The following KCNQ3 variants were observed in gnomAD, a reference collection of about 807,000 sequenced individuals.
The protein encoded by KCNQ3 is potassium voltage-gated channel subfamily KQT member 3.
A neutral mutation model predicts 92.5 loss-of-function variants in KCNQ3; 30 were observed. The ratio of observed to expected loss-of-function variants is 0.32; its 90% confidence interval spans 0.24 to 0.44. The LOEUF (loss-of-function observed/expected upper bound fraction) is 0.44, where lower values mean the gene tolerates loss of function less well. Ranked by LOEUF, KCNQ3 falls within the 20% of genes least tolerant of loss-of-function variation. KCNQ3 has a pLI of 1.00. For synonymous variants in KCNQ3, 450 were observed against 468.8 expected, an observed-to-expected ratio of 0.96 and a Z score of 0.52; for missense variants, 913 against 1,140.3, an observed-to-expected ratio of 0.80 and a Z score of 2.87.
chr8:132,301,820 GGA>G (rs1340308080), intron 1 of KCNQ3, among the ~76,000 whole-genome samples: 2 of 152,154 alleles, frequency 1.3e-5, no homozygotes, highest in Non-Finnish European at 2.9e-5. Context: ...TGATGCACTT[GGA>G]GAGAGGTGTC....
rs1826519341 is a variant in KCNQ3, at chr8:132,175,515, C to A, written c.871G>T (p.Ala291Ser). The A allele has an allele frequency of 6.2e-7, 1 of 1,614,084 alleles. No homozygotes were observed. Among genetic ancestry groups the A allele is most frequent in the Non-Finnish European group, 8.5e-7 (1 of 1,180,016 alleles). ...LVEKDVPEVDAQGEEMKEEFE... is the reference protein window; with the variant it reads ...LVEKDVPEVDSQGEEMKEEFE... Reference sequence around the variant, plus strand: ...TCCTCTTTCATCTCCTCTCCTTGTGCATCCACCTCTGGGACGTCTTTCTCA... The same window carrying A: ...TCCTCTTTCATCTCCTCTCCTTGTGAATCCACCTCTGGGACGTCTTTCTCA... The change falls in exon 5 of 15, where the codon GCA (alanine) becomes TCA (serine). Residue 291 changes from alanine to serine, a missense_variant. Around this residue, in one of 6 missense-constraint regions of KCNQ3, gnomAD observed 21 missense variants for 16.3 expected, o/e 1.29. Coordinates refer to ENST00000388996, the MANE Select transcript of KCNQ3 (RefSeq NM_004519.4).
intron 1 of KCNQ3, among the ~76,000 whole-genome samples, chr8:132,308,819 C>T (rs1817510770): frequency 6.6e-6 from 1 of 152,212 alleles, no homozygotes; most frequent in Non-Finnish European, 1.5e-5. Flanking sequence ...AAGTAAACTG[C>T]TTGAGCTCCC....
chr8:132,452,107 C>T lies in KCNQ3; in HGVS notation c.386+28040G>A, dbSNP rs142773321. Among the ~76,000 whole-genome samples the T allele has an allele frequency of 8.3e-3, 1,269 of 152,294 alleles. 7 individuals are homozygous for T. The highest frequency in any genetic ancestry group is 0.014 in the Middle Eastern group (4 of 294). The stretch of plus-strand genomic sequence containing the variant: ...AAATATACATAACATAAATTTTTAT[C>T]ATTTTAACCATTTTTAAGTATGCAA... On this transcript the variant is annotated intron_variant, in intron 1 of 14. Transcript: ENST00000388996.
At chr8:132,368,663 A>G (rs1364235338) in intron 1 of KCNQ3, among the ~76,000 whole-genome samples, 2 of 151,774 alleles carry the variant, frequency 1.3e-5, no homozygotes, top group African/African-American at 4.9e-5. Flanking sequence ...AAAAAAAAAG[A>G]AAAGAAAAGA....
intron 1 of KCNQ3, among the ~76,000 whole-genome samples, chr8:132,220,130 C>A (rs1487749703): frequency 6.6e-6 from 1 of 152,102 alleles, no homozygotes; most frequent in African/African-American, 2.4e-5. Context: ...GAGCAAAGTA[C>A]TCATGTCTGC....
intron 1 of KCNQ3, among the ~76,000 whole-genome samples, chr8:132,291,463 T>A (rs1309123503): frequency 6.6e-6 from 1 of 152,214 alleles, no homozygotes; most frequent in Non-Finnish European, 1.5e-5. Context: ...ATCTATATTA[T>A]CATAAAGGCA....
intron 1 of KCNQ3, among the ~76,000 whole-genome samples, chr8:132,410,923 G>A (rs1243124186): frequency 6.6e-6 from 1 of 152,196 alleles, no homozygotes; most frequent in African/African-American, 2.4e-5. Flanking sequence ...GCACATCTCT[G>A]ACCTCACCGT....
intron 1 of KCNQ3, among the ~76,000 whole-genome samples, chr8:132,273,319 G>T (rs535236582): frequency 1.3e-5 from 2 of 152,358 alleles, no homozygotes; most frequent in South Asian, 4.1e-4. Context: ...AAGCTGCCAA[G>T]GCATGGGGCT....
intron 1 of KCNQ3, among the ~76,000 whole-genome samples, chr8:132,437,379 G>T (rs1468625888): frequency 6.6e-6 from 1 of 152,192 alleles, no homozygotes; most frequent in Non-Finnish European, 1.5e-5. Context: ...CTCATGGCTG[G>T]TCTCTGTGCC....
chr8:132,433,254 C>A (rs1821299424), intron 1 of KCNQ3, among the ~76,000 whole-genome samples: 1 of 152,136 alleles, frequency 6.6e-6, no homozygotes, highest in Non-Finnish European at 1.5e-5. Context: ...ATTAGCCCCT[C>A]CCAGTTCCTA....
At chr8:132,336,973 C>T (rs1424680484) in intron 1 of KCNQ3, among the ~76,000 whole-genome samples, 1 of 152,156 alleles carries the variant, frequency 6.6e-6, no homozygotes, top group Non-Finnish European at 1.5e-5. Context: ...AGAGGAAAGC[C>T]AGGAGGAAGA....
intron 1 of KCNQ3, among the ~76,000 whole-genome samples, chr8:132,306,490 A>AGGGT (rs1285386180): frequency 6.6e-6 from 1 of 152,212 alleles, no homozygotes; most frequent in African/African-American, 2.4e-5. Context: ...ACTTTTAAGG[A>AGGGT]GGGTGGGGTG....
Position 132,212,527 on chromosome 8 carries a change from A to C in KCNQ3, c.387-26346T>G, listed in dbSNP as rs77561331. Among the ~76,000 whole-genome samples, 1,309 of 152,038 alleles carry C rather than the reference A, an allele frequency of 8.6e-3. 21 individuals are homozygous for C. Among genetic ancestry groups the C allele is most frequent in the African/African-American group, 0.03 (1,251 of 41,456 alleles). ...TTCAAGCATCTTTACCATCCCGATC[A>C]TTCTCTTCGGGACATGTCCCACTCT... is the stretch of plus-strand genomic sequence containing the variant. On this transcript the variant is annotated intron_variant, in intron 1 of 14. Coordinates refer to ENST00000388996, the MANE Select transcript of KCNQ3 (RefSeq NM_004519.4).
chr8:132,154,730 C>T (rs1825754054), intron 9 of KCNQ3, among the ~76,000 whole-genome samples: 1 of 152,134 alleles, frequency 6.6e-6, no homozygotes, highest in Non-Finnish European at 1.5e-5. Flanking sequence ...AGATGGAAAC[C>T]TGTTAACGGG....
intron 1 of KCNQ3, among the ~76,000 whole-genome samples, chr8:132,277,413 G>A (rs1367752908): frequency 6.6e-6 from 1 of 152,154 alleles, no homozygotes; most frequent in African/African-American, 2.4e-5. Flanking sequence ...AGATCATGCT[G>A]AGCATCACAG....
intron 1 of KCNQ3, among the ~76,000 whole-genome samples, chr8:132,408,863 T>C (rs938826252): frequency 5.9e-5 from 9 of 152,158 alleles, no homozygotes; most frequent in African/African-American, 2.2e-4. Flanking sequence ...TGCAAGGAAC[T>C]GAACTCTGCC....
At chr8:132,142,281 C>G (rs1010801036) in intron 9 of KCNQ3, among the ~76,000 whole-genome samples, 1 of 152,154 alleles carries the variant, frequency 6.6e-6, no homozygotes, top group African/African-American at 2.4e-5. Flanking sequence ...TGCCCTGGTG[C>G]AAAAAGCCAG....
At chr8:132,197,239 T>C (rs1047358353) in intron 1 of KCNQ3, among the ~76,000 whole-genome samples, 1 of 152,154 alleles carries the variant, frequency 6.6e-6, no homozygotes, top group Admixed American at 6.5e-5. Context: ...CATGCCATAT[T>C]TGGGTGGGTG....
chr8:132,471,451 A>G (rs1196023091), intron 1 of KCNQ3, among the ~76,000 whole-genome samples: 1 of 152,216 alleles, frequency 6.6e-6, no homozygotes, highest in Non-Finnish European at 1.5e-5. Context: ...TGAGGGTTGC[A>G]AGAAGGCAGC....
Sources: gnomAD v4.1 joint callset for allele counts (sites outside exome capture counted in the v4.1 genomes callset) on GRCh38, gnomAD v4.1.1 for gene constraint, gnomAD v4.1.1 regional missense constraint, MANE v1.5 for transcripts, NCBI Gene and HGNC (gene_info 2026-07-23, HGNC 2026-07-21) for gene names.